The following CSMD1 variants were observed in gnomAD, a reference collection of about 807,000 sequenced individuals.
CSMD1 encodes CUB and sushi domain-containing protein 1.
CSMD1 carries 213 observed loss-of-function variants against 417.5 expected under a neutral mutation model. That is an observed-to-expected ratio of 0.51 (90% CI 0.46 to 0.57). CSMD1 has a LOEUF of 0.57. Ranked by LOEUF, CSMD1 falls within the 20% of genes least tolerant of loss-of-function variation. The probability of loss-of-function intolerance (pLI) is 0.00; values close to 1 mark genes in which losing one functional copy is unlikely to be tolerated. For synonymous variants in CSMD1, 2,862 were observed against 1,736.8 expected (o/e 1.65, Z -16.11); for missense variants, 6,923 against 4,529.7 (o/e 1.53, Z -15.17).
chr8:4,007,369 C>T (rs1302186628), intron 4 of CSMD1, among the ~76,000 whole-genome samples: 1 of 152,202 alleles, frequency 6.6e-6, no homozygotes, highest in East Asian at 1.9e-4. Context: ...TGGGTCTAGC[C>T]ACACTGCTTC....
rs549382859 is a variant in CSMD1 at position 3,515,495 on chromosome 8, C to G, written c.1345-21769G>C. Reference sequence around the variant, plus strand: ...TTATTTCCTTGTTTGTTCACAAGTACCACTGGAAAAATAAAAAAATGGTTG... The same window carrying G: ...TTATTTCCTTGTTTGTTCACAAGTAGCACTGGAAAAATAAAAAAATGGTTG... On this transcript the variant is annotated intron_variant, in intron 10 of 69. Transcript: ENST00000635120. The G allele has an allele frequency of 6.0e-5, 8 of 132,704 alleles. No individual in the cohort carries two copies. In the East Asian group the frequency reaches 1.8e-3, roughly 31 times the overall value. The allele number at this position is 132,704 out of a possible 1,614,324, so 8.2% of individuals were successfully genotyped here.
chr8:3,546,703 TC>T (rs1798681399), intron 10 of CSMD1, among the ~76,000 whole-genome samples: 1 of 152,098 alleles, frequency 6.6e-6, no homozygotes, highest in Non-Finnish European at 1.5e-5. Context: ...AAATCTTCAA[TC>T]AATGTAGGAA....
At chr8:3,590,413 G>C (rs886639253) in intron 8 of CSMD1, among the ~76,000 whole-genome samples, 1 of 151,968 alleles carries the variant, frequency 6.6e-6, no homozygotes, top group Admixed American at 6.6e-5. Flanking sequence ...ACCTGAACTC[G>C]GCTCTTACTC....
At chr8:4,941,648 G>C (rs1300431332) in intron 1 of CSMD1, among the ~76,000 whole-genome samples, 1 of 151,290 alleles carries the variant, frequency 6.6e-6, no homozygotes, top group Non-Finnish European at 1.5e-5. Context: ...ACCCAGGCTG[G>C]GGTACAGTAC....
At chr8:3,575,717 T>C (rs1227063457) in intron 9 of CSMD1, among the ~76,000 whole-genome samples, 2 of 43,246 alleles carry the variant, frequency 4.6e-5, no homozygotes, top group Non-Finnish European at 1.3e-4. Context: ...ATGGTGACTT[T>C]AAAAATAAAA....
intron 8 of CSMD1, among the ~76,000 whole-genome samples, chr8:3,588,956 C>T (rs753077709): frequency 3.4e-4 from 51 of 151,978 alleles, no homozygotes; most frequent in Non-Finnish European, 5.3e-4. Flanking sequence ...GACATAAAAA[C>T]GACCAACAGG....
intron 33 of CSMD1, among the ~76,000 whole-genome samples, chr8:3,196,314 A>T (rs375716028): frequency 6.6e-6 from 1 of 152,170 alleles, no homozygotes; most frequent in East Asian, 1.9e-4. Context: ...CTAATAATCC[A>T]TCCCTCATTT....
chr8:3,536,795 C>T (rs938318619), intron 10 of CSMD1, among the ~76,000 whole-genome samples: 5 of 152,098 alleles, frequency 3.3e-5, no homozygotes, highest in African/African-American at 4.8e-5. Context: ...TCTTCAGCAC[C>T]GGGAATGCTG....
intron 26 of CSMD1, among the ~76,000 whole-genome samples, chr8:3,277,898 T>C (rs889192595): frequency 3.9e-5 from 6 of 152,198 alleles, no homozygotes; most frequent in African/African-American, 1.4e-4. Flanking sequence ...CCTACAAAAG[T>C]GACAATTTTA....
intron 5 of CSMD1, among the ~76,000 whole-genome samples, chr8:3,941,829 G>T (rs556049408): frequency 6.6e-6 from 1 of 151,848 alleles, no homozygotes; most frequent in African/African-American, 2.4e-5. Flanking sequence ...AAAATATAGC[G>T]CAATTCCTTA....
At chr8:4,397,116 A>G (rs1804288625) in intron 3 of CSMD1, among the ~76,000 whole-genome samples, 1 of 152,084 alleles carries the variant, frequency 6.6e-6, no homozygotes, top group Non-Finnish European at 1.5e-5. Context: ...GTATATAACC[A>G]TCTGCACGCC....
In CSMD1 at chr8:3,031,337, C is replaced by T. The variant is rs1810328878; in HGVS notation, c.7661-1824G>A. Among the ~76,000 whole-genome samples the T allele has an allele frequency of 1.3e-5, 2 of 150,730 alleles. 1 individual carries two copies. Among genetic ancestry groups the T allele is most frequent in the African/African-American group, 4.9e-5 (2 of 41,020 alleles). On this transcript the variant is annotated intron_variant, in intron 50 of 69. Transcript: ENST00000635120. The stretch of plus-strand genomic sequence containing the variant: ...TGTGGGGTGGGGGGAGGGTGGAGGG[C>T]TAGCACTAGGAGATATACCTAATGC...
At chr8:3,977,968 C>T (rs1157062413) in intron 5 of CSMD1, among the ~76,000 whole-genome samples, 1 of 152,190 alleles carries the variant, frequency 6.6e-6, no homozygotes. Context: ...TTTTACGTGT[C>T]CATCTACTAG....
chr8:3,367,003 G>A (rs1809618916), intron 20 of CSMD1, 29 bp downstream of exon 20: 3 of 1,545,022 alleles, frequency 1.9e-6, no homozygotes, highest in East Asian at 2.3e-5. Context: ...GTTGCCAGAG[G>A]AGAGAAACAG....
intron 5 of CSMD1, among the ~76,000 whole-genome samples, chr8:3,979,298 G>A (rs1357880660): frequency 1.3e-5 from 2 of 152,230 alleles, no homozygotes; most frequent in African/African-American, 2.4e-5. Context: ...TGTTCTGGAT[G>A]TAGTAACAGA....
At chr8:4,871,100 G>C (rs1034525674) in intron 1 of CSMD1, among the ~76,000 whole-genome samples, 1 of 152,138 alleles carries the variant, frequency 6.6e-6, no homozygotes, top group Non-Finnish European at 1.5e-5. Context: ...CATGGGAGGA[G>C]GCAGTAGCTG....
At chr8:4,590,519 A>G (rs1360570280) in intron 2 of CSMD1, among the ~76,000 whole-genome samples, 1 of 152,168 alleles carries the variant, frequency 6.6e-6, no homozygotes, top group Non-Finnish European at 1.5e-5. Context: ...TTGAAGCGCT[A>G]GCATAATACC....
At chr8:3,592,814 C>T (rs1800913487) in intron 8 of CSMD1, among the ~76,000 whole-genome samples, 1 of 152,142 alleles carries the variant, frequency 6.6e-6, no homozygotes, top group South Asian at 2.1e-4. Context: ...TCCAAATTCA[C>T]AGTGGGATCC....
chr8:4,984,312 G>A (rs947971604), intron 1 of CSMD1, among the ~76,000 whole-genome samples: 1 of 152,222 alleles, frequency 6.6e-6, no homozygotes, highest in Non-Finnish European at 1.5e-5. Context: ...CTGCATGAGA[G>A]TAGAAAGGAG....
Sources: gnomAD v4.1 joint callset for allele counts (sites outside exome capture counted in the v4.1 genomes callset) on GRCh38, gnomAD v4.1.1 for gene constraint, MANE v1.5 for transcripts, NCBI Gene and HGNC (gene_info 2026-07-23, HGNC 2026-07-21) for gene names.